Variants in EMSY observed in about 807,000 individuals in gnomAD.
EMSY encodes the protein EMSY transcriptional repressor, BRCA2 interacting.
EMSY carries 26 observed loss-of-function variants against 134.6 expected under a neutral mutation model. The observed-to-expected ratio is 0.19, with a 90% confidence interval of 0.14 to 0.27. The LOEUF (loss-of-function observed/expected upper bound fraction) is 0.27. Among genes scored for constraint, EMSY ranks in the 10% least tolerant of loss-of-function variants. EMSY has a pLI of 1.00. For missense variants in EMSY, 1,305 were observed against 1,611.4 expected (o/e 0.81, Z 3.26); for synonymous variants, 579 against 577.8 (o/e 1.00, Z -0.03).
chr11:76,474,172 C>G (rs1428533007), intron 8 of EMSY, among the ~76,000 whole-genome samples: 1 of 150,792 alleles, frequency 6.6e-6, no homozygotes, highest in South Asian at 2.1e-4. Context: ...TCCATTTTAG[C>G]TTAGTTTCTT....
At chr11:76,549,092 T>G (rs1202264505) in intron 20 of EMSY, among the ~76,000 whole-genome samples, 1 of 152,208 alleles carries the variant, frequency 6.6e-6, no homozygotes, top group Non-Finnish European at 1.5e-5. Flanking sequence ...GGGGGTGGGA[T>G]GAACCCACTA....
chr11:76,493,125 G>A (rs1364666632), intron 8 of EMSY, among the ~76,000 whole-genome samples: 1 of 152,166 alleles, frequency 6.6e-6, no homozygotes, highest in East Asian at 1.9e-4. Context: ...CCCCGCTCCT[G>A]CTGTCTGCTC....
chr11:76,494,700 TTCCTTCCTTCCTTCC>T, intron 8 of EMSY, among the ~76,000 whole-genome samples: 1 of 118,546 alleles, frequency 8.4e-6, no homozygotes, highest in Non-Finnish European at 1.8e-5. Context: ...CCTTCCTTCC[TTCCTTCCTTCCTTCC>T]TTCCTTCCTT....
At chr11:76,533,710 C>T (rs1170323203) in intron 14 of EMSY, among the ~76,000 whole-genome samples, 5 of 152,080 alleles carry the variant, frequency 3.3e-5, no homozygotes, top group South Asian at 2.1e-4. Context: ...TAGTATCTAA[C>T]GTGTAGTAGG....
intron 4 of EMSY, among the ~76,000 whole-genome samples, chr11:76,455,792 A>G: frequency 6.6e-6 from 1 of 152,216 alleles, no homozygotes; most frequent in Non-Finnish European, 1.5e-5. Context: ...AGAATGTTAC[A>G]GTATTAACGC....
intron 9 of EMSY, among the ~76,000 whole-genome samples, chr11:76,501,403 C>T (rs1949851958): frequency 6.6e-6 from 1 of 151,920 alleles, no homozygotes; most frequent in African/African-American, 2.4e-5. Flanking sequence ...AATATGTTCA[C>T]AGAACTAAAG....
chr11:76,501,321 A>G (rs1949849597), intron 9 of EMSY, among the ~76,000 whole-genome samples: 1 of 152,220 alleles, frequency 6.6e-6, no homozygotes, highest in Non-Finnish European at 1.5e-5. Context: ...AGAAAAACAA[A>G]CAAACAACAG....
intron 1 of EMSY, among the ~76,000 whole-genome samples, chr11:76,446,351 A>ATATATATATGTATATATATATGTG (rs1565263206): frequency 3.0e-4 from 42 of 140,144 alleles, no homozygotes; most frequent in East Asian, 1.1e-3. Flanking sequence ...ATATATGTGT[A>ATATATATATGTATATATATATGTG]TATATATATA....
intron 8 of EMSY, among the ~76,000 whole-genome samples, chr11:76,480,937 C>T (rs1948953290): frequency 6.6e-6 from 1 of 152,206 alleles, no homozygotes. Flanking sequence ...CAGGAGATTC[C>T]TTCGGGTGCC....
At chr11:76,488,024 C>T (rs144364132) in intron 8 of EMSY, among the ~76,000 whole-genome samples, 1 of 152,190 alleles carries the variant, frequency 6.6e-6, no homozygotes, top group Non-Finnish European at 1.5e-5. Context: ...CTTCATATTT[C>T]TCTAAGGCTC....
chr11:76,457,770 A>G (rs1380184038), intron 4 of EMSY, among the ~76,000 whole-genome samples: 1 of 152,202 alleles, frequency 6.6e-6, no homozygotes, highest in Non-Finnish European at 1.5e-5. Flanking sequence ...TCCATCCTTA[A>G]TTAAGGAAAA....
chr11:76,504,497 G>A (rs1295857541), intron 9 of EMSY, among the ~76,000 whole-genome samples: 1 of 152,076 alleles, frequency 6.6e-6, no homozygotes, highest in Non-Finnish European at 1.5e-5. Flanking sequence ...TTTACACAAA[G>A]CAGACTGCCT....
chr11:76,480,273 C>A (rs1948919329), intron 8 of EMSY, among the ~76,000 whole-genome samples: 1 of 152,186 alleles, frequency 6.6e-6, no homozygotes, highest in East Asian at 1.9e-4. Flanking sequence ...CTCATAAGTG[C>A]TGTGATGGGC....
rs142873908 is a variant in EMSY, at chr11:76,471,399, TAAA to T, written c.832-1164_832-1162del. 5.4e-3 allele frequency among the ~76,000 whole-genome samples: 821 copies of T among 152,308 alleles called. 3 individuals carry two copies. The highest frequency in any genetic ancestry group is 0.01 in the Middle Eastern group (3 of 294). Reference sequence around the variant, plus strand: ...TGGTGTGATACATTGTTATAGCTAATAAAGACTATTAATGCATTAATGTTAATT... The same window carrying T: ...TGGTGTGATACATTGTTATAGCTAATGACTATTAATGCATTAATGTTAATT... On this transcript the variant is annotated intron_variant, in intron 7 of 20. Coordinates refer to ENST00000334736, the Ensembl canonical transcript of EMSY.
rs761373094 is a variant in EMSY at position 76,535,868 on chromosome 11, TG to T, written c.2195-26del. The T allele has an allele frequency of 5.1e-5, 73 of 1,431,144 alleles. No homozygotes were observed. The African/African-American group carries it at 7.7e-4, about 15-fold the overall frequency. 88.7% of individuals were successfully genotyped at this position (1,431,144 alleles called of 1,614,324 possible). ...TAAGAGAAACTTTGTTTATAGGGTT[TG>T]TTTTTTTTTAACTAATATAAAACAG... On this transcript the variant is annotated intron_variant, in intron 14 of 20. Coordinates refer to ENST00000334736, the Ensembl canonical transcript of EMSY.
At chr11:76,522,641 G>C (rs540515320) in intron 11 of EMSY, among the ~76,000 whole-genome samples, 8 of 152,168 alleles carry the variant, frequency 5.3e-5, no homozygotes, top group Middle Eastern at 3.4e-3. Flanking sequence ...GATTATGAGC[G>C]TGAGCCACCA....
chr11:76,449,751 G>T, intron 2 of EMSY, among the ~76,000 whole-genome samples: 1 of 152,186 alleles, frequency 6.6e-6, no homozygotes, highest in Middle Eastern at 3.4e-3. Context: ...ACCGTTCTCT[G>T]TTCTCTTCCA....
intron 14 of EMSY, among the ~76,000 whole-genome samples, chr11:76,535,100 A>G (rs1447288040): frequency 6.6e-6 from 1 of 152,206 alleles, no homozygotes; most frequent in Non-Finnish European, 1.5e-5. Context: ...TACAATAGCA[A>G]CAATAATAAC....
chr11:76,487,645 T>G (rs1387952252), intron 8 of EMSY, among the ~76,000 whole-genome samples: 5 of 152,264 alleles, frequency 3.3e-5, no homozygotes, highest in African/African-American at 1.2e-4. Context: ...AGTGACACCT[T>G]TGCTTTCTGA....
Sources: gnomAD v4.1 joint callset for allele counts (sites outside exome capture counted in the v4.1 genomes callset) on GRCh38, gnomAD v4.1.1 for gene constraint, MANE v1.5 for transcripts, NCBI Gene and HGNC (gene_info 2026-07-23, HGNC 2026-07-21) for gene names.